The following FSHR variants were observed in gnomAD, a reference collection of about 807,000 sequenced individuals.
FSHR encodes follicle stimulating hormone receptor, also known as follicle-stimulating hormone receptor.
Under a neutral mutation model 52.1 loss-of-function variants are expected in FSHR, and 46 were observed. The ratio of observed to expected loss-of-function variants is 0.88; its 90% CI spans 0.70 to 1.13. The LOEUF is 1.13. Ranked by LOEUF, FSHR falls within the 50% of genes most tolerant of loss-of-function variation. The pLI, the probability that FSHR is intolerant of heterozygous loss-of-function variation, is 0.00. For synonymous variants in FSHR, 399 were observed against 309.6 expected, an observed-to-expected ratio of 1.29 and a Z score of -3.03; for missense variants, 964 against 834.6, an observed-to-expected ratio of 1.16 and a Z score of -1.91.
intron 1 of FSHR, among the ~76,000 whole-genome samples, chr2:49,140,438 G>C (rs1672640122): frequency 6.6e-6 from 1 of 152,068 alleles, no homozygotes; most frequent in South Asian, 2.1e-4. Flanking sequence ...TCAGCTCTAT[G>C]CTTTCTGCAC....
intron 2 of FSHR, among the ~76,000 whole-genome samples, chr2:49,023,451 C>A (rs1207990839): frequency 1.3e-5 from 2 of 152,158 alleles, no homozygotes; most frequent in Admixed American, 1.3e-4. Context: ...GGCATTCTTT[C>A]ACCCCCTTTT....
intron 1 of FSHR, among the ~76,000 whole-genome samples, chr2:49,126,189 ATTTG>A (rs1374798926): frequency 1.3e-5 from 2 of 152,150 alleles, no homozygotes; most frequent in Admixed American, 1.3e-4. Flanking sequence ...ACAGAGGTTT[ATTTG>A]TTACAGTTTT....
intron 8 of FSHR, among the ~76,000 whole-genome samples, chr2:48,978,528 G>C (rs1229652291): frequency 6.6e-6 from 1 of 152,248 alleles, no homozygotes; most frequent in East Asian, 1.9e-4. Flanking sequence ...ATCAGAATAT[G>C]ATTGTACTGG....
chr2:49,001,346 C>G (rs996311829), intron 4 of FSHR, among the ~76,000 whole-genome samples: 8 of 152,034 alleles, frequency 5.3e-5, no homozygotes, highest in Admixed American at 3.3e-4. Context: ...CAGATGGAAC[C>G]TGAACCCAGG....
At chr2:49,086,517 C>G (rs1184273403) in intron 1 of FSHR, among the ~76,000 whole-genome samples, 1 of 152,202 alleles carries the variant, frequency 6.6e-6, no homozygotes. Context: ...GGCTTCAGAA[C>G]TCAGTGATTC....
chr2:49,112,174 C>T (rs1165867830), intron 1 of FSHR, among the ~76,000 whole-genome samples: 1 of 152,106 alleles, frequency 6.6e-6, no homozygotes, highest in Non-Finnish European at 1.5e-5. Flanking sequence ...CCCAGCCTAA[C>T]TATTACATTT....
chr2:49,133,476 C>G (rs1452594860), intron 1 of FSHR, among the ~76,000 whole-genome samples: 2 of 152,116 alleles, frequency 1.3e-5, no homozygotes, highest in African/African-American at 4.8e-5. Context: ...TCAATATCAT[C>G]AAAATGGCCA....
intron 4 of FSHR, among the ~76,000 whole-genome samples, chr2:49,007,228 A>T (rs1466284951): frequency 6.6e-6 from 1 of 152,104 alleles, no homozygotes; most frequent in Non-Finnish European, 1.5e-5. Context: ...AAGTATAAGA[A>T]TGATTCATTG....
rs1367539730 is a variant in FSHR, at chr2:49,090,155, A to G, written c.153-21865T>C. 6.9e-5 allele frequency among the ~76,000 whole-genome samples: 10 copies of G among 144,434 alleles called. No homozygotes were observed. In the South Asian group the frequency reaches 9.0e-4, roughly 13 times the overall value. 94.8% of individuals were successfully genotyped at this position (144,434 alleles called of 152,430 possible). On this transcript the variant is annotated intron_variant, in intron 1 of 9. Coordinates refer to ENST00000406846, the MANE Select transcript of FSHR (RefSeq NM_000145.4). ...TGTGTGTGTGTGTGTGTGTGTGTGC[A>G]TGTGTGTGTGTAAAATTCTATGAGT...
At chr2:49,044,467 G>A (rs1191969951) in intron 2 of FSHR, among the ~76,000 whole-genome samples, 1 of 152,192 alleles carries the variant, frequency 6.6e-6, no homozygotes, top group Non-Finnish European at 1.5e-5. Context: ...GGCTTGTGGA[G>A]GAAGGGCATT....
intron 4 of FSHR, among the ~76,000 whole-genome samples, chr2:48,997,663 C>T (rs1573069081): frequency 6.6e-6 from 1 of 152,044 alleles, no homozygotes; most frequent in African/African-American, 2.4e-5. Context: ...CAACTTAGCC[C>T]CGTGACCAGG....
At chr2:49,017,342 C>G (rs112699078) in intron 4 of FSHR, 147 bp downstream of exon 4, 3 of 626,826 alleles carry the variant, frequency 4.8e-6, no homozygotes, top group East Asian at 2.8e-5. Context: ...AAATCCATCA[C>G]CAAGTATCTC....
At chr2:49,116,643 T>C (rs1206575075) in intron 1 of FSHR, among the ~76,000 whole-genome samples, 1 of 152,186 alleles carries the variant, frequency 6.6e-6, no homozygotes, top group East Asian at 1.9e-4. Context: ...TTTCTTAACC[T>C]CCATGTATGT....
At chr2:49,051,442 G>A (rs1317038853) in intron 2 of FSHR, among the ~76,000 whole-genome samples, 1 of 152,080 alleles carries the variant, frequency 6.6e-6, no homozygotes, top group Non-Finnish European at 1.5e-5. Flanking sequence ...GACTAATGAT[G>A]AGCATCTTTT....
chr2:48,970,676 T>C (rs1194278937), intron 8 of FSHR, among the ~76,000 whole-genome samples: 1 of 152,192 alleles, frequency 6.6e-6, no homozygotes, highest in Non-Finnish European at 1.5e-5. Context: ...ATTCAGATCC[T>C]ACTCCTGAGC....
intron 1 of FSHR, among the ~76,000 whole-genome samples, chr2:49,122,736 TG>T (rs745477333): frequency 1.1e-4 from 16 of 152,202 alleles, no homozygotes; most frequent in Non-Finnish European, 1.6e-4. Flanking sequence ...TATTATTCTC[TG>T]CCTCACTTTT....
At chr2:49,127,778 CTTCTTCT>C (rs1672072008) in intron 1 of FSHR, among the ~76,000 whole-genome samples, 1 of 45,644 alleles carries the variant, frequency 2.2e-5, no homozygotes, top group South Asian at 1.0e-3. Context: ...TCTTCTTCTT[CTTCTTCT>C]TCTTCTTCTT....
At chr2:49,077,334 C>T (rs1008049023) in intron 1 of FSHR, among the ~76,000 whole-genome samples, 6 of 152,226 alleles carry the variant, frequency 3.9e-5, no homozygotes, top group African/African-American at 1.4e-4. Flanking sequence ...ATGGCCCGAG[C>T]TCTATGTTGG....
intron 4 of FSHR, among the ~76,000 whole-genome samples, chr2:49,007,501 T>C (rs1346542101): frequency 6.6e-6 from 1 of 152,112 alleles, no homozygotes; most frequent in Non-Finnish European, 1.5e-5. Context: ...GTGTTGAAAA[T>C]AAACATAAAA....
Sources: allele counts gnomAD v4.1 joint callset (sites outside exome capture counted in the v4.1 genomes callset), GRCh38; gene constraint gnomAD v4.1.1; transcripts MANE v1.5; gene names NCBI Gene and HGNC (gene_info 2026-07-23, HGNC 2026-07-21).